FDX1: variants seen among roughly 807,000 people sequenced by gnomAD.
FDX1 encodes the protein adrenodoxin, mitochondrial.
A neutral mutation model predicts 14.9 loss-of-function variants in FDX1; 9 were observed. The ratio of observed to expected loss-of-function variants is 0.60; its 90% CI spans 0.36 to 1.05. The LOEUF (loss-of-function observed/expected upper bound fraction) is 1.05, where lower values mean the gene tolerates loss of function less well. Among genes scored for constraint, FDX1 ranks in the 50% least tolerant of loss-of-function variants. FDX1 has a pLI of 0.01. For missense variants in FDX1, 204 were observed against 237.2 expected (o/e 0.86, Z 0.92); for synonymous variants, 92 against 99.4 (o/e 0.93, Z 0.44).
At chr11:110,456,774 G>A (rs1946525181) in intron 2 of FDX1, 144 bp from the exon 3 acceptor site, 1 of 740,762 alleles carries the variant, frequency 1.3e-6, no homozygotes, top group Non-Finnish European at 2.1e-6. Flanking sequence ...CTCCTAAAGT[G>A]CTGGGATTAC....
In FDX1 at chr11:110,444,748, GTATA is replaced by G. The variant is rs538386755; in HGVS notation, c.310+8806_310+8809del. ...CGTATATATATATATATATATACAC[GTATA>G]TATATATATATATATTTGCAGAACA... On this transcript the variant is annotated intron_variant, in intron 2 of 3. Transcript: ENST00000260270. Among the ~76,000 whole-genome samples, 7 of 29,834 alleles carry G rather than the reference GTATA, an allele frequency of 2.3e-4. 1 individual carries two copies. Among genetic ancestry groups the G allele is most frequent in the South Asian group, 1.0e-3 (1 of 1,002 alleles). The allele number at this position is 29,834 out of a possible 152,430, so 19.6% of individuals were successfully genotyped here. A position where few individuals can be genotyped will look rare whatever the true frequency, so the allele number is the denominator to read the frequency against.
chr11:110,444,669 T>C (rs1316403802), intron 2 of FDX1, among the ~76,000 whole-genome samples: 3 of 66,090 alleles, frequency 4.5e-5, no homozygotes, highest in African/African-American at 2.4e-4. Context: ...TATATACGTA[T>C]ATATATATAT....
intron 2 of FDX1, among the ~76,000 whole-genome samples, chr11:110,447,094 T>C: frequency 6.6e-6 from 1 of 151,108 alleles, no homozygotes; most frequent in Admixed American, 6.6e-5. Context: ...GAGAATTGCT[T>C]TAACCCAGGA....
intron 2 of FDX1, among the ~76,000 whole-genome samples, chr11:110,450,510 C>A (rs1591252342): frequency 6.6e-6 from 1 of 152,192 alleles, no homozygotes; most frequent in East Asian, 1.9e-4. Flanking sequence ...CCTCTGCTCA[C>A]CTGCTGTGTG....
At chr11:110,459,290 C>A (rs944440829) in intron 3 of FDX1, among the ~76,000 whole-genome samples, 1 of 152,196 alleles carries the variant, frequency 6.6e-6, no homozygotes, top group Non-Finnish European at 1.5e-5. Context: ...ATGTGAAGCT[C>A]TCAGAACAGT....
intron 2 of FDX1, among the ~76,000 whole-genome samples, chr11:110,447,041 G>A (rs1395911386): frequency 6.6e-6 from 1 of 151,814 alleles, no homozygotes; most frequent in East Asian, 1.9e-4. Flanking sequence ...CAGGTGTGGT[G>A]GCGTGCACCT....
At chr11:110,443,274 G>C (rs555588483) in intron 2 of FDX1, among the ~76,000 whole-genome samples, 1 of 147,838 alleles carries the variant, frequency 6.8e-6, no homozygotes, top group Non-Finnish European at 1.5e-5. Flanking sequence ...GCCCTGCCCC[G>C]CTACCTTTTT....
chr11:110,435,577 G>C (rs761182980), intron 1 of FDX1, among the ~76,000 whole-genome samples: 1 of 152,178 alleles, frequency 6.6e-6, no homozygotes, highest in Non-Finnish European at 1.5e-5. Context: ...GCTAGGCATG[G>C]TGGCTCAGGC....
At chr11:110,454,170 G>A (rs12294963) in intron 2 of FDX1, among the ~76,000 whole-genome samples, 13,192 of 152,170 alleles carry the variant, frequency 0.087, 1,007 homozygotes, top group East Asian at 0.34. Context: ...TCTCTTCAGC[G>A]CTGAGCTTAG....
At chr11:110,450,770 A>C (rs1306101540) in intron 2 of FDX1, among the ~76,000 whole-genome samples, 1 of 152,176 alleles carries the variant, frequency 6.6e-6, no homozygotes, top group Non-Finnish European at 1.5e-5. Context: ...TTCTCATAAA[A>C]CATCACTTTG....
chr11:110,444,457 A>G (rs915416223), intron 2 of FDX1, among the ~76,000 whole-genome samples: 7 of 151,296 alleles, frequency 4.6e-5, no homozygotes, highest in Non-Finnish European at 7.4e-5. Flanking sequence ...CTCTACTAAA[A>G]ATACAAAAAT....
intron 1 of FDX1, among the ~76,000 whole-genome samples, chr11:110,431,995 A>G (rs1311546841): frequency 6.6e-6 from 1 of 152,196 alleles, no homozygotes. Flanking sequence ...TAAAGATTCA[A>G]TCTCGTAGTT....
At chr11:110,431,531 A>G (rs1323984068) in intron 1 of FDX1, among the ~76,000 whole-genome samples, 1 of 152,130 alleles carries the variant, frequency 6.6e-6, no homozygotes, top group Non-Finnish European at 1.5e-5. Flanking sequence ...TTTGGGGGAA[A>G]TCAGGGAGAA....
chr11:110,456,824 A>C (rs1362359957), intron 2 of FDX1, 94 bp from the exon 3 acceptor site: 1 of 1,379,152 alleles, frequency 7.3e-7, no homozygotes, highest in Non-Finnish European at 9.9e-7. Context: ...TATGTATTCT[A>C]ATGCTGATTC....
At chr11:110,438,481 A>T (rs1240149940) in intron 2 of FDX1, among the ~76,000 whole-genome samples, 1 of 152,092 alleles carries the variant, frequency 6.6e-6, no homozygotes, top group African/African-American at 2.4e-5. Context: ...GCTGGAGTGC[A>T]GTGGCGCAGT....
intron 3 of FDX1, among the ~76,000 whole-genome samples, chr11:110,459,178 A>C (rs559031878): frequency 1.3e-5 from 2 of 151,894 alleles, no homozygotes; most frequent in African/African-American, 4.8e-5. Context: ...ACCAGTTTGC[A>C]TGGGTAATCT....
intron 2 of FDX1, among the ~76,000 whole-genome samples, chr11:110,444,724 GTATATATATATATATATATACACGTA>G (rs1946436272): frequency 7.3e-5 from 2 of 27,408 alleles, no homozygotes; most frequent in Non-Finnish European, 6.2e-5. Context: ...ATATATATAC[GTATATATATATATATATATACACGTA>G]TATATATATA....
chr11:110,432,980 G>A (rs1037402784), intron 1 of FDX1, among the ~76,000 whole-genome samples: 4 of 152,180 alleles, frequency 2.6e-5, no homozygotes, highest in Non-Finnish European at 4.4e-5. Flanking sequence ...TTATTAATCA[G>A]TGTGTGTTGA....
At chr11:110,452,099 T>C (rs1946490101) in intron 2 of FDX1, among the ~76,000 whole-genome samples, 1 of 152,130 alleles carries the variant, frequency 6.6e-6, no homozygotes, top group Admixed American at 6.5e-5. Flanking sequence ...TAGATCTAAA[T>C]GTAGAACTTA....
Sources: allele counts gnomAD v4.1 joint callset (sites outside exome capture counted in the v4.1 genomes callset), GRCh38; gene constraint gnomAD v4.1.1; transcripts MANE v1.5; gene names NCBI Gene and HGNC (gene_info 2026-07-23, HGNC 2026-07-21).